Variants in ANKRD24 observed in about 807,000 individuals in gnomAD.
ANKRD24 encodes the protein ankyrin repeat domain-containing protein 24.
Under a neutral mutation model 127.8 loss-of-function variants are expected in ANKRD24, and 109 were observed. The observed-to-expected ratio is 0.85, with a 90% CI of 0.73 to 1.00. The LOEUF (loss-of-function observed/expected upper bound fraction) is 1.00, where lower values mean the gene tolerates loss of function less well. Among genes scored for constraint, ANKRD24 ranks in the 50% least tolerant of loss-of-function variants. ANKRD24 has a pLI of 0.00. For synonymous variants in ANKRD24, 743 were observed against 671.1 expected (o/e 1.11, Z -1.66); for missense variants, 1,648 against 1,570.2 (o/e 1.05, Z -0.84).
chr19:4,208,508 C>T (rs1181100557), intron 10 of ANKRD24, among the ~76,000 whole-genome samples: 1 of 152,006 alleles, frequency 6.6e-6, no homozygotes, highest in East Asian at 2.0e-4. Flanking sequence ...GTCTCAAACT[C>T]CTGAACTCAG....
At position 4,202,875 on chromosome 19, in the gene ANKRD24, T is replaced by C; in HGVS notation, c.415T>C (p.Cys139Arg). 6.3e-7 allele frequency: 1 copy of C among 1,590,314 alleles called. No individual in the cohort carries two copies. The highest frequency in any genetic ancestry group is 1.3e-5 in the African/African-American group (1 of 74,348). Residue 139 changes from cysteine (C) to arginine (R), a missense_variant, in exon 7 of 22, where the codon TGC becomes CGC. Transcript: ENST00000318934. ...GGACTCGCCCCATCCCCAGGCTTCC[T>C]GCGTGGTGGACGTCGTGGACAGCAG... is the stretch of plus-strand genomic sequence containing the variant. ...QCLKQLLQASCVVDVVDSSGW... is the reference protein window; with the variant it reads ...QCLKQLLQASRVVDVVDSSGW...
chr19:4,188,378 A>AT (rs34131628), intron 2 of ANKRD24, among the ~76,000 whole-genome samples: 1,183 of 83,578 alleles, frequency 0.014, 32 homozygotes, highest in Non-Finnish European at 0.018. Flanking sequence ...CGCTTGGTCC[A>AT]TTTTTTTTTT....
At chr19:4,200,204 G>C in intron 5 of ANKRD24, 33 bp downstream of exon 5, 61 of 1,544,444 alleles carry the variant, frequency 3.9e-5, no homozygotes, top group Non-Finnish European at 4.9e-5. Context: ...GAGGGAGGAG[G>C]AACTAAGCCC....
At chr19:4,190,592 G>A (rs1968331757) in intron 2 of ANKRD24, among the ~76,000 whole-genome samples, 2 of 152,068 alleles carry the variant, frequency 1.3e-5, no homozygotes, top group Admixed American at 6.6e-5. Flanking sequence ...AGGCAGCCGG[G>A]CATGGTGGTG....
At chr19:4,185,586 C>T (rs149163563) in intron 1 of ANKRD24, among the ~76,000 whole-genome samples, 32 of 152,330 alleles carry the variant, frequency 2.1e-4, no homozygotes, top group African/African-American at 6.3e-4. Context: ...CCATGCGGAA[C>T]GTAGAACAGG....
At chr19:4,186,599 A>G in intron 2 of ANKRD24, 138 bp downstream of exon 2, 8 of 969,802 alleles carry the variant, frequency 8.2e-6, no homozygotes, top group Non-Finnish European at 1.3e-5. Context: ...TAGCGTCATG[A>G]CCTCCCCACT....
At position 4,195,060 on chromosome 19, in the gene ANKRD24, T is replaced by TTTTGTTTG. The variant is rs139221641; in HGVS notation, c.37-4603_37-4596dup. On this transcript the variant is annotated intron_variant, in intron 2 of 21. Transcript: ENST00000318934. This position sits in a 1 kb window ranked among gnomAD's most constrained non-coding sequence, Gnocchi z 4.2. ...TCGGCGTGAGCCACCGCGCCCAGGT[T>TTTTGTTTG]TTTGTTTGTTTGTTTGTTTGTTTGT... Among the ~76,000 whole-genome samples, 22,684 of 148,420 alleles carry TTTTGTTTG rather than the reference T, an allele frequency of 0.15. 1,868 individuals are homozygous for TTTTGTTTG. Among genetic ancestry groups the TTTTGTTTG allele is most frequent in the East Asian group, 0.29 (1,429 of 4,896 alleles).
rs1599457233 is a variant in ANKRD24, at chr19:4,216,170, T to A, written c.1271-114T>A. 1.6e-5 allele frequency: 22 copies of A among 1,403,742 alleles called. No homozygotes were observed. The East Asian group carries it at 4.5e-4, about 29-fold the overall frequency. 87.0% of individuals were successfully genotyped at this position (1,403,742 alleles called of 1,614,324 possible). A position where few individuals can be genotyped will look rare whatever the true frequency, so the allele number is the denominator to read the frequency against. On this transcript the variant is annotated intron_variant, in intron 16 of 21. Transcript: ENST00000318934. ...GGGAGGTTTGTACTCATCCGTTTTT[T>A]AAATTCTGCTTGGCTGAGCCTGCCC...
At chr19:4,215,118 A>G (rs1337226398) in intron 15 of ANKRD24, among the ~76,000 whole-genome samples, 1 of 152,210 alleles carries the variant, frequency 6.6e-6, no homozygotes, top group African/African-American at 2.4e-5. Context: ...GGCATACACC[A>G]TGCATCTGAT....
At chr19:4,214,225 G>A (rs1214847926) in intron 15 of ANKRD24, among the ~76,000 whole-genome samples, 2 of 151,650 alleles carry the variant, frequency 1.3e-5, no homozygotes, top group Non-Finnish European at 2.9e-5. Flanking sequence ...GGAGTGCGGT[G>A]GCACGATCAT....
At chr19:4,187,505 C>T (rs1968136945) in intron 2 of ANKRD24, among the ~76,000 whole-genome samples, 1 of 152,166 alleles carries the variant, frequency 6.6e-6, no homozygotes, top group Non-Finnish European at 1.5e-5. Flanking sequence ...AGTGCAAAGG[C>T]CCTGAGGTAG....
In ANKRD24 at chr19:4,224,537, C is replaced by T; in HGVS notation, c.*32C>T. The T allele has an allele frequency of 4.4e-6, 7 of 1,584,140 alleles. No homozygotes were observed. The highest frequency in any genetic ancestry group is 6.0e-6 in the Non-Finnish European group (7 of 1,163,740). ...CCAGGCCCAGTGGCTACACTGACCA[C>T]ACCCACGCAGGGACCTCACCCCCCT... On this transcript the variant is annotated 3_prime_UTR_variant, in exon 22 of 22. Transcript: ENST00000318934.
intron 13 of ANKRD24, 48 bp from the exon 14 acceptor site, chr19:4,212,427 G>T (rs1969791589): frequency 6.4e-7 from 1 of 1,557,808 alleles, no homozygotes. Context: ...GTGGGGCAGG[G>T]AGGCCTCTTG....
chr19:4,193,411 A>C (rs897318490), intron 2 of ANKRD24, among the ~76,000 whole-genome samples: 6 of 152,068 alleles, frequency 3.9e-5, no homozygotes, highest in African/African-American at 1.4e-4. Context: ...TAAAGAAAGC[A>C]GCCATGTGCA....
intron 2 of ANKRD24, among the ~76,000 whole-genome samples, chr19:4,196,405 T>C (rs1968742263): frequency 6.6e-6 from 1 of 152,116 alleles, no homozygotes; most frequent in Admixed American, 6.6e-5. Context: ...CAGTGGAGTC[T>C]CGCTCTGTCA....
At chr19:4,213,363 TTC>T (rs1224264313) in intron 15 of ANKRD24, among the ~76,000 whole-genome samples, 2 of 149,160 alleles carry the variant, frequency 1.3e-5, no homozygotes, top group African/African-American at 4.9e-5. Flanking sequence ...TTTCCTTCCC[TTC>T]TTTCTTCCTT....
Position 4,216,771 on chromosome 19 carries a change from CA to C in ANKRD24, c.1616del (p.Asn539ThrfsTer8). ...ESEVAGATAT[K>X]NGPTHMELNG... The stretch of plus-strand genomic sequence containing the variant: ...GTGAGGTTGCTGGAGCCACGGCCAC[CA>C]AAAACGGGCCAACCCACATGGAGCT... On this transcript the variant is annotated frameshift_variant, in exon 18 of 22. Coordinates refer to ENST00000318934, the MANE Select transcript of ANKRD24 (RefSeq NM_001393985.1). LOFTEE classifies it high-confidence loss of function. 1.9e-6 allele frequency: 3 copies of C among 1,592,994 alleles called. No individual in the cohort carries two copies. Among genetic ancestry groups the C allele is most frequent in the Non-Finnish European group, 2.6e-6 (3 of 1,170,438 alleles).
Position 4,217,031 on chromosome 19 carries a change from G to A in ANKRD24, c.1871G>A (p.Gly624Glu), listed in dbSNP as rs754674717. ...GCAAACATGGAAACTAAGCCCACAGGAGCTCAGGCCACAGACACAGAGACC... is the reference window on the plus strand; with the variant it reads ...GCAAACATGGAAACTAAGCCCACAGAAGCTCAGGCCACAGACACAGAGACC... ...EEANMETKPT[G>E]AQATDTETTG... Residue 624 changes from glycine (G) to glutamate (E), a missense_variant, in exon 18 of 22, where the codon GGA (glycine) becomes GAA (glutamate). Transcript: ENST00000318934. 1.9e-6 allele frequency: 3 copies of A among 1,613,760 alleles called. No homozygotes were observed. The highest frequency in any genetic ancestry group is 2.5e-6 in the Non-Finnish European group (3 of 1,179,868).
intron 18 of ANKRD24, among the ~76,000 whole-genome samples, chr19:4,218,505 G>T (rs2145408651): frequency 6.6e-6 from 1 of 151,822 alleles, no homozygotes; most frequent in Non-Finnish European, 1.5e-5. Flanking sequence ...TCACCGTGTT[G>T]GCCAGGCTGG....
Sources: gnomAD v4.1 joint callset for allele counts (sites outside exome capture counted in the v4.1 genomes callset) on GRCh38, gnomAD v4.1.1 for gene constraint, Gnocchi (gnomAD v3.1) non-coding constraint, MANE v1.5 for transcripts, NCBI Gene and HGNC (gene_info 2026-07-23, HGNC 2026-07-21) for gene names.